Variants in CIMIP5 observed in about 807,000 individuals in gnomAD.
CIMIP5 encodes uncharacterized protein C2orf50.
the CIMIP5 span, among the ~76,000 whole-genome samples, chr2:11,148,773 TCC>T: frequency 7.2e-6 from 1 of 138,616 alleles, no homozygotes; most frequent in African/African-American, 2.8e-5. Flanking sequence ...CTCGCTCTCG[TCC>T]CCCAGGCTGG....
At chr2:11,141,380 G>A in the CIMIP5 span, among the ~76,000 whole-genome samples, 4 of 151,890 alleles carry the variant, frequency 2.6e-5, no homozygotes, top group African/African-American at 7.3e-5. Context: ...CAACTGCCTC[G>A]GCTTCCCAAA....
At chr2:11,141,201 T>C in the CIMIP5 span, among the ~76,000 whole-genome samples, 1 of 142,130 alleles carries the variant, frequency 7.0e-6, no homozygotes, top group Non-Finnish European at 1.5e-5. Context: ...CAATCTTGGC[T>C]CACTGCAATC....
the CIMIP5 span, among the ~76,000 whole-genome samples, chr2:11,150,974 A>C: frequency 2.3e-3 from 344 of 152,282 alleles, 1 homozygote; most frequent in African/African-American, 7.8e-3. Context: ...GCAGGACAGA[A>C]AATCATTCCT....
chr2:11,139,822 C>T, the CIMIP5 span, among the ~76,000 whole-genome samples: 10 of 152,232 alleles, frequency 6.6e-5, no homozygotes, highest in Admixed American at 6.5e-4. Context: ...CACAGTGGCT[C>T]ATGCCTGTAA....
chr2:11,133,441 C>A, the CIMIP5 span: 1 of 1,610,366 alleles, frequency 6.2e-7, no homozygotes, highest in East Asian at 2.2e-5. Context: ...CGGGGTGGCC[C>A]TATGGCCAGC....
At chr2:11,150,912 T>C in the CIMIP5 span, among the ~76,000 whole-genome samples, 10 of 152,148 alleles carry the variant, frequency 6.6e-5, no homozygotes, top group Admixed American at 3.3e-4. Flanking sequence ...CCCTGAAACA[T>C]TTCTGTTGAA....
At chr2:11,133,293 C>CTCTT in the CIMIP5 span, 2 of 1,543,432 alleles carry the variant, frequency 1.3e-6, no homozygotes, top group Non-Finnish European at 8.6e-7. Flanking sequence ...CTCTCTCTCT[C>CTCTT]TCTCTCTGAC....
At chr2:11,137,947 G>A in the CIMIP5 span, among the ~76,000 whole-genome samples, 2 of 152,202 alleles carry the variant, frequency 1.3e-5, no homozygotes, top group African/African-American at 2.4e-5. Flanking sequence ...CCGGGTTCAC[G>A]CCATTCTCCT....
the CIMIP5 span, among the ~76,000 whole-genome samples, chr2:11,150,640 ATT>A: frequency 6.7e-6 from 1 of 148,746 alleles, no homozygotes; most frequent in African/African-American, 2.5e-5. Flanking sequence ...TGGTTTAGGA[ATT>A]TTTTTTTTTA....
chr2:11,154,372 G>GAC, the CIMIP5 span, among the ~76,000 whole-genome samples: 1 of 152,002 alleles, frequency 6.6e-6, no homozygotes, highest in Non-Finnish European at 1.5e-5. Context: ...ATAGGCGGAG[G>GAC]TGATGGGCCG....
chr2:11,133,511 G>A, the CIMIP5 span: 2 of 1,608,642 alleles, frequency 1.2e-6, no homozygotes, highest in South Asian at 1.1e-5. Context: ...GGGTGGCTCA[G>A]GGAGCTGCCT....
chr2:11,144,766 C>T, the CIMIP5 span: 5 of 152,070 alleles, frequency 3.3e-5, no homozygotes, highest in African/African-American at 4.8e-5. Context: ...CAGTCTCTAT[C>T]GCTTGCTCTC....
At chr2:11,147,947 T>C in the CIMIP5 span, among the ~76,000 whole-genome samples, 1 of 151,930 alleles carries the variant, frequency 6.6e-6, no homozygotes, top group African/African-American at 2.4e-5. Flanking sequence ...CAGGAGGTCA[T>C]GAAGAAGTGG....
chr2:11,143,480 A>G, the CIMIP5 span, among the ~76,000 whole-genome samples: 1 of 151,478 alleles, frequency 6.6e-6, no homozygotes, highest in Non-Finnish European at 1.5e-5. Context: ...GCACATGGGC[A>G]TCTTCACTTT....
At chr2:11,151,312 G>T in the CIMIP5 span, among the ~76,000 whole-genome samples, 1 of 152,246 alleles carries the variant, frequency 6.6e-6, no homozygotes, top group African/African-American at 2.4e-5. Context: ...CTTTTAAATT[G>T]CTTGAGACCT....
the CIMIP5 span, chr2:11,133,666 G>C: frequency 5.1e-5 from 78 of 1,521,752 alleles, no homozygotes; most frequent in Non-Finnish European, 6.6e-5. Flanking sequence ...TGGAGAAAGG[G>C]AGATGGGAGG....
At chr2:11,147,210 G>A in the CIMIP5 span, among the ~76,000 whole-genome samples, 40 of 152,244 alleles carry the variant, frequency 2.6e-4, no homozygotes, top group African/African-American at 7.0e-4. Flanking sequence ...AAACTAAGCC[G>A]AACACTTCAT....
the CIMIP5 span, among the ~76,000 whole-genome samples, chr2:11,152,178 G>A: frequency 1.3e-5 from 2 of 152,246 alleles, no homozygotes; most frequent in Admixed American, 6.5e-5. Context: ...TTACAATAGT[G>A]ATGTGATCCC....
At chr2:11,134,458 C>T in the CIMIP5 span, among the ~76,000 whole-genome samples, 4 of 152,336 alleles carry the variant, frequency 2.6e-5, no homozygotes, top group South Asian at 6.2e-4. Context: ...ACTGAAACTT[C>T]ATACCCGTTG....
Sources: gnomAD v4.1 joint callset for allele counts (sites outside exome capture counted in the v4.1 genomes callset) on GRCh38, gnomAD v4.1.1 for gene constraint, MANE v1.5 for transcripts, NCBI Gene and HGNC (gene_info 2026-07-23, HGNC 2026-07-21) for gene names.